Variants in OC90 observed in about 807,000 individuals in gnomAD.
The protein encoded by OC90 is otoconin-90.
A neutral mutation model predicts 47.3 loss-of-function variants in OC90; 46 were observed. The ratio of observed to expected loss-of-function variants is 0.97; its 90% CI spans 0.77 to 1.24. OC90 has a LOEUF of 1.24. Ranked by LOEUF, OC90 falls within the 50% of genes most tolerant of loss-of-function variation. The probability of loss-of-function intolerance (pLI) is 0.00; values close to 1 mark genes in which losing one functional copy is unlikely to be tolerated. For synonymous variants in OC90, 271 were observed against 219.5 expected, an observed-to-expected ratio of 1.23 and a Z score of -2.07; for missense variants, 688 against 583.9, an observed-to-expected ratio of 1.18 and a Z score of -1.84.
chr8:132,040,755 A>G (rs1226040745), intron 6 of OC90, among the ~76,000 whole-genome samples: 1 of 152,226 alleles, frequency 6.6e-6, no homozygotes, highest in Non-Finnish European at 1.5e-5. Context: ...GTAAGTAGCA[A>G]ACAATTTGCC....
rs186643177 is a variant in OC90, at chr8:132,048,397, C to A, written c.47-2514G>T. Among the ~76,000 whole-genome samples the A allele has an allele frequency of 2.9e-4, 43 of 146,968 alleles. No homozygotes were observed. In the East Asian group the frequency reaches 7.3e-3, roughly 25 times the overall value. On this transcript the variant is annotated intron_variant, in intron 2 of 13. Transcript: ENST00000254627. ...CAGGATCCACAGAAGGAACTGAGAG[C>A]AATTTGGGATGGTTGGAGTATGGAG...
At chr8:132,025,154 G>A (rs1346576621) in intron 13 of OC90, among the ~76,000 whole-genome samples, 1 of 152,162 alleles carries the variant, frequency 6.6e-6, no homozygotes, top group Non-Finnish European at 1.5e-5. Flanking sequence ...GTCTGTTTAT[G>A]TATCCATTTT....
chr8:132,055,061 C>T lies in OC90; in HGVS notation c.-35G>A, dbSNP rs2130865824. ...ACAAAGGATGGGGCTTAGGCAGCAA[C>T]TGGAACGGACTCCTGGGAGAGAAGC... On this transcript the variant is annotated 5_prime_UTR_variant, in exon 2 of 14. Transcript: ENST00000254627. 6.5e-7 allele frequency: 1 copy of T among 1,530,006 alleles called. No homozygotes were observed. 94.8% of individuals were successfully genotyped at this position (1,530,006 alleles called of 1,614,324 possible).
intron 1 of OC90, among the ~76,000 whole-genome samples, chr8:132,057,474 T>G (rs1823292420): frequency 1.3e-5 from 2 of 152,226 alleles, no homozygotes; most frequent in South Asian, 4.1e-4. Context: ...CTCTAATTTA[T>G]TTTTGCAATA....
intron 6 of OC90, among the ~76,000 whole-genome samples, chr8:132,039,947 T>C (rs6471031): frequency 0.63 from 95,505 of 152,032 alleles, 30,436 homozygotes; most frequent in East Asian, 0.75. Context: ...CTTGTCCCTC[T>C]CTAACATACT....
Position 132,043,826 on chromosome 8 carries a change from T to C in OC90, c.169+607A>G, listed in dbSNP as rs530987980. 9.8e-5 allele frequency among the ~76,000 whole-genome samples: 15 copies of C among 152,338 alleles called. No individual in the cohort carries two copies. The East Asian group carries it at 2.9e-3, about 29-fold the overall frequency. On this transcript the variant is annotated intron_variant, in intron 4 of 13. Transcript: ENST00000254627. ...CACCTGCACTTAGTTATACAAACAG[T>C]TTAAGCACAGCCTTATGCCCAGCAT...
chr8:132,048,953 C>G (rs953206552), intron 2 of OC90, among the ~76,000 whole-genome samples: 1 of 151,542 alleles, frequency 6.6e-6, no homozygotes, highest in South Asian at 2.1e-4. Flanking sequence ...GGGTTGGGAG[C>G]CTGCTCTTCC....
intron 2 of OC90, among the ~76,000 whole-genome samples, chr8:132,051,145 T>C (rs1445989258): frequency 1.3e-5 from 2 of 152,182 alleles, no homozygotes; most frequent in East Asian, 3.9e-4. Flanking sequence ...ACTCTAGAGA[T>C]GAGAAAACTG....
chr8:132,026,503 C>T (rs111286340), intron 13 of OC90, among the ~76,000 whole-genome samples: 4,160 of 152,260 alleles, frequency 0.027, 188 homozygotes, highest in African/African-American at 0.093. Context: ...GTCCTGTTCC[C>T]CAGAGCCACT....
At chr8:132,035,084 GTTAGTGCAAATAC>G (rs1448538968) in intron 9 of OC90, among the ~76,000 whole-genome samples, 1 of 152,248 alleles carries the variant, frequency 6.6e-6, no homozygotes, top group Non-Finnish European at 1.5e-5. Flanking sequence ...AAGCAAGTGA[GTTAGTGCAAATAC>G]TTTGGGAATG....
At chr8:132,042,504 G>A (rs188328945) in intron 4 of OC90, among the ~76,000 whole-genome samples, 84 of 152,218 alleles carry the variant, frequency 5.5e-4, no homozygotes, top group African/African-American at 1.8e-3. Context: ...GTACCCAACC[G>A]GGGTTTTTTC....
intron 9 of OC90, among the ~76,000 whole-genome samples, 164 bp from the exon 10 acceptor site, chr8:132,034,998 A>G (rs1822935976): frequency 6.6e-6 from 1 of 152,212 alleles, no homozygotes; most frequent in Non-Finnish European, 1.5e-5. Flanking sequence ...TGGTGAGACC[A>G]GGGCTGCTGC....
chr8:132,055,028 G>A lies in OC90; in HGVS notation c.-2C>T, dbSNP rs1586717586. Reference sequence around the variant, plus strand: ...ACTGGTGAGGAGAAACGCAATCATAGCAGGAGAACAAAGGATGGGGCTTAG... The same window carrying A: ...ACTGGTGAGGAGAAACGCAATCATAACAGGAGAACAAAGGATGGGGCTTAG... On this transcript the variant is annotated 5_prime_UTR_variant, in exon 2 of 14. Transcript: ENST00000254627. 3.2e-6 allele frequency: 5 copies of A among 1,550,838 alleles called. No individual in the cohort carries two copies. The highest frequency in any genetic ancestry group is 1.4e-5 in the African/African-American group (1 of 72,652).
chr8:132,057,111 C>T (rs572787984), intron 1 of OC90, among the ~76,000 whole-genome samples: 2 of 152,318 alleles, frequency 1.3e-5, no homozygotes, highest in African/African-American at 4.8e-5. Context: ...GCACATACAA[C>T]AGCGCCTGAC....
chr8:132,036,548 G>A, intron 9 of OC90: 1 of 680,120 alleles, frequency 1.5e-6, no homozygotes, highest in Non-Finnish European at 2.7e-6. Context: ...GCATATGGCT[G>A]CACAATGGTG....
chr8:132,038,757 G>A, intron 8 of OC90, 33 bp downstream of exon 8: 1 of 1,583,510 alleles, frequency 6.3e-7, no homozygotes, highest in Middle Eastern at 1.8e-4. Flanking sequence ...GGGCCCTTGT[G>A]GTTCAAGAGC....
Position 132,037,782 on chromosome 8 carries a change from C to A in OC90, c.629-294G>T, listed in dbSNP as rs145967796. ...AAGAACTGAAAACCCCAAAGATATC[C>A]CAGCTTGAGGAGACCTCTGTTCCAA... On this transcript the variant is annotated intron_variant, in intron 8 of 13. Coordinates refer to ENST00000254627, the MANE Select transcript of OC90 (RefSeq NM_001080399.3). Among the ~76,000 whole-genome samples the A allele has an allele frequency of 4.0e-3, 604 of 152,122 alleles. 2 individuals are homozygous for A. The highest frequency in any genetic ancestry group is 0.014 in the African/African-American group (576 of 41,446).
Position 132,033,087 on chromosome 8 carries a change from G to A in OC90, c.811C>T (p.Leu271=), listed in dbSNP as rs970749095. The change falls in exon 11 of 14, where the codon CTG becomes TTG. Residue 271 remains leucine, a synonymous_variant. Transcript: ENST00000254627. The part of the protein sequence containing the change: ...LVPAGIKSLG[L]AVSSVENDPE... ...TCATTTTCAACAGATGACACTGCCA[G>A]CCCCAGAGATTTAATGCCAGCAGGG... 1.1e-5 allele frequency: 18 copies of A among 1,609,916 alleles called. No individual in the cohort carries two copies.
intron 6 of OC90, among the ~76,000 whole-genome samples, chr8:132,040,412 T>C (rs907558242): frequency 6.6e-6 from 1 of 152,226 alleles, no homozygotes; most frequent in Non-Finnish European, 1.5e-5. Flanking sequence ...GTGTTCTGTC[T>C]TCCCTTCATG....
Sources: gnomAD v4.1 joint callset for allele counts (sites outside exome capture counted in the v4.1 genomes callset) on GRCh38, gnomAD v4.1.1 for gene constraint, MANE v1.5 for transcripts, NCBI Gene and HGNC (gene_info 2026-07-23, HGNC 2026-07-21) for gene names.